Variants in ST6GALNAC3 observed in about 807,000 individuals in gnomAD.
ST6GALNAC3 encodes alpha-N-acetylgalactosaminide alpha-2,6-sialyltransferase 3.
A neutral mutation model predicts 32.7 loss-of-function variants in ST6GALNAC3; 25 were observed. The ratio of observed to expected loss-of-function variants is 0.76; its 90% CI spans 0.56 to 1.07. ST6GALNAC3 has a LOEUF of 1.07. Ranked by LOEUF, ST6GALNAC3 falls within the 50% of genes least tolerant of loss-of-function variation. ST6GALNAC3 has a pLI of 0.00. For synonymous variants in ST6GALNAC3, 129 were observed against 133.1 expected (o/e 0.97, Z 0.21); for missense variants, 355 against 382.4 (o/e 0.93, Z 0.60).
At chr1:76,195,631 T>C (rs1408955379) in intron 1 of ST6GALNAC3, among the ~76,000 whole-genome samples, 4 of 152,216 alleles carry the variant, frequency 2.6e-5, no homozygotes, top group Non-Finnish European at 5.9e-5. Flanking sequence ...ACCATTGCTT[T>C]TGTATATTTG....
intron 3 of ST6GALNAC3, among the ~76,000 whole-genome samples, chr1:76,529,570 C>A (rs1663124012): frequency 1.3e-5 from 2 of 152,080 alleles, no homozygotes; most frequent in Non-Finnish European, 2.9e-5. Context: ...AAAGTTTAGC[C>A]CAATCCCAAT....
chr1:76,322,512 C>T, intron 2 of ST6GALNAC3, among the ~76,000 whole-genome samples: 1 of 152,084 alleles, frequency 6.6e-6, no homozygotes, highest in African/African-American at 2.4e-5. Flanking sequence ...CCATCTTACA[C>T]AAGAAATTCA....
At chr1:76,294,541 CT>C (rs1183742322) in intron 1 of ST6GALNAC3, among the ~76,000 whole-genome samples, 1 of 152,040 alleles carries the variant, frequency 6.6e-6, no homozygotes, top group African/African-American at 2.4e-5. Context: ...ATTAGATTAG[CT>C]TTAACCTGCC....
chr1:76,628,494 A>C, intron 4 of ST6GALNAC3, 126 bp from the exon 5 acceptor site: 7 of 907,596 alleles, frequency 7.7e-6, no homozygotes, highest in Non-Finnish European at 1.1e-5. Flanking sequence ...AACTGAGTTC[A>C]TGGACAAGAA....
chr1:76,480,422 G>T (rs1417383137), intron 3 of ST6GALNAC3, among the ~76,000 whole-genome samples: 1 of 152,126 alleles, frequency 6.6e-6, no homozygotes, highest in Non-Finnish European at 1.5e-5. Flanking sequence ...TCCTTTAACT[G>T]TAAACATGAG....
chr1:76,441,725 A>AT (rs954709516), intron 3 of ST6GALNAC3, among the ~76,000 whole-genome samples: 2 of 151,908 alleles, frequency 1.3e-5, no homozygotes, highest in Non-Finnish European at 2.9e-5. Context: ...ATTATTTCTA[A>AT]TTTTTTGTAC....
intron 3 of ST6GALNAC3, among the ~76,000 whole-genome samples, chr1:76,525,808 T>TACAC (rs1557529022): frequency 6.2e-5 from 8 of 129,706 alleles, no homozygotes; most frequent in African/African-American, 2.1e-4. Context: ...TATATATATA[T>TACAC]ATATATATAT....
chr1:76,505,513 C>A (rs61773271), intron 3 of ST6GALNAC3, among the ~76,000 whole-genome samples: 11,311 of 152,206 alleles, frequency 0.074, 718 homozygotes, highest in African/African-American at 0.17. Context: ...ATTATTGACA[C>A]CACAGGGAAT....
chr1:76,273,213 T>A (rs999050733), intron 1 of ST6GALNAC3, among the ~76,000 whole-genome samples: 4 of 152,100 alleles, frequency 2.6e-5, no homozygotes, highest in Non-Finnish European at 5.9e-5. Context: ...AAAACCTTCA[T>A]GGATTAAAAT....
chr1:76,340,583 A>G (rs1311353783), intron 2 of ST6GALNAC3, among the ~76,000 whole-genome samples: 5 of 152,254 alleles, frequency 3.3e-5, no homozygotes. Flanking sequence ...CTTGCCAGCA[A>G]CTAATCTGCC....
At chr1:76,361,977 C>CAAAA (rs386367380) in intron 2 of ST6GALNAC3, among the ~76,000 whole-genome samples, 10,603 of 62,518 alleles carry the variant, frequency 0.17, 1,271 homozygotes, top group African/African-American at 0.32. Context: ...GACTCTGTAT[C>CAAAA]AAAAAAAAAA....
At chr1:76,545,619 T>A (rs984494772) in intron 3 of ST6GALNAC3, among the ~76,000 whole-genome samples, 2 of 152,038 alleles carry the variant, frequency 1.3e-5, no homozygotes, top group Admixed American at 6.6e-5. Flanking sequence ...TATGTAAACA[T>A]TAACTGCAAC....
At chr1:76,410,054 C>G (rs1654115527) in intron 2 of ST6GALNAC3, among the ~76,000 whole-genome samples, 1 of 151,916 alleles carries the variant, frequency 6.6e-6, no homozygotes, top group Non-Finnish European at 1.5e-5. Context: ...TGCTTCCACC[C>G]TGGCCTCTTT....
chr1:76,383,034 A>C (rs989147190), intron 2 of ST6GALNAC3, among the ~76,000 whole-genome samples: 4 of 152,196 alleles, frequency 2.6e-5, no homozygotes, highest in Non-Finnish European at 4.4e-5. Flanking sequence ...AACAAAAAAA[A>C]CCAATCTTCA....
At chr1:76,183,110 T>C (rs759060903) in intron 1 of ST6GALNAC3, among the ~76,000 whole-genome samples, 5 of 152,150 alleles carry the variant, frequency 3.3e-5, no homozygotes, top group African/African-American at 2.4e-5. Context: ...TAGAAAGGAA[T>C]GACAATGAAG....
intron 1 of ST6GALNAC3, among the ~76,000 whole-genome samples, chr1:76,258,482 T>C (rs1008733038): frequency 3.3e-5 from 5 of 152,150 alleles, no homozygotes; most frequent in African/African-American, 1.2e-4. Flanking sequence ...TCCAGAGCCA[T>C]CAGGGTTTCA....
intron 3 of ST6GALNAC3, among the ~76,000 whole-genome samples, chr1:76,456,888 A>G (rs1657850074): frequency 6.6e-6 from 1 of 152,194 alleles, no homozygotes; most frequent in Admixed American, 6.5e-5. Context: ...AAGAGTATTC[A>G]ATTAGGAAAA....
intron 2 of ST6GALNAC3, among the ~76,000 whole-genome samples, chr1:76,404,430 T>C (rs761269537): frequency 1.6e-4 from 24 of 152,016 alleles, no homozygotes; most frequent in Non-Finnish European, 2.6e-4. Flanking sequence ...AACAGCTTGC[T>C]TAATCATTCC....
At chr1:76,619,223 A>T (rs577491965) in intron 3 of ST6GALNAC3, among the ~76,000 whole-genome samples, 1 of 152,282 alleles carries the variant, frequency 6.6e-6, no homozygotes, top group South Asian at 2.1e-4. Flanking sequence ...GGTATTTCAA[A>T]GGGTTCATAT....
Sources: allele counts gnomAD v4.1 joint callset (sites outside exome capture counted in the v4.1 genomes callset), GRCh38; gene constraint gnomAD v4.1.1; transcripts MANE v1.5; gene names NCBI Gene and HGNC (gene_info 2026-07-23, HGNC 2026-07-21).